Variants in C16orf89 observed in about 807,000 individuals in gnomAD.
The protein encoded by C16orf89 is UPF0764 protein C16orf89.
C16orf89 carries 57 observed loss-of-function variants against 41.5 expected under a neutral mutation model. The ratio of observed to expected loss-of-function variants is 1.38; its 90% CI spans 1.11 to 1.71. The LOEUF (loss-of-function observed/expected upper bound fraction) is 1.71. Ranked by LOEUF, C16orf89 falls within the 40% of genes most tolerant of loss-of-function variation. The probability of loss-of-function intolerance (pLI) is 0.00; values close to 1 mark genes in which losing one functional copy is unlikely to be tolerated. For synonymous variants in C16orf89, 223 were observed against 190.6 expected, an observed-to-expected ratio of 1.17 and a Z score of -1.40; for missense variants, 575 against 445.9, an observed-to-expected ratio of 1.29 and a Z score of -2.61.
In C16orf89 at chr16:5,058,584, A is replaced by T; in HGVS notation, c.536T>A (p.Leu179His). Reference sequence around the variant, plus strand: ...CATGAGGCTCCTGCAGAGGTCTGAGAGGCCGCAGGGCTCGCTGCTGTCCGT... The same window carrying T: ...CATGAGGCTCCTGCAGAGGTCTGAGTGGCCGCAGGGCTCGCTGCTGTCCGT... Reference protein sequence around the residue: ...TGTDSSEPCGLSDLCRSLMTK... With the variant: ...TGTDSSEPCGHSDLCRSLMTK... The change falls in exon 4 of 8, where the codon CTC (leucine) becomes CAC (histidine). Residue 179 changes from leucine (L) to histidine (H), a missense_variant. Coordinates refer to ENST00000472572, the MANE Select transcript of C16orf89 (RefSeq NM_001098514.3). The T allele has an allele frequency of 6.2e-7, 1 of 1,612,424 alleles. No individual in the cohort carries two copies. Among genetic ancestry groups the T allele is most frequent in the Non-Finnish European group, 8.5e-7 (1 of 1,179,802 alleles).
At chr16:5,054,033 C>T (rs1459069763) in intron 6 of C16orf89, among the ~76,000 whole-genome samples, 1 of 152,194 alleles carries the variant, frequency 6.6e-6, no homozygotes, top group Admixed American at 6.5e-5. Flanking sequence ...AGTTCCACAG[C>T]CCCATCCCCA....
intron 1 of C16orf89, among the ~76,000 whole-genome samples, chr16:5,062,785 A>G (rs561040452): frequency 1.3e-5 from 2 of 152,286 alleles, no homozygotes; most frequent in Admixed American, 1.3e-4. Flanking sequence ...TCAGAGTAGT[A>G]GAAGGTGGTG....
chr16:5,052,167 C>T (rs140739978), intron 6 of C16orf89, among the ~76,000 whole-genome samples: 21 of 151,028 alleles, frequency 1.4e-4, no homozygotes, highest in African/African-American at 4.9e-4. Context: ...ATAGACATCT[C>T]TCAAAAGAAG....
intron 2 of C16orf89, among the ~76,000 whole-genome samples, chr16:5,061,889 G>T (rs1956634304): frequency 6.6e-6 from 1 of 152,126 alleles, no homozygotes; most frequent in Non-Finnish European, 1.5e-5. Flanking sequence ...AAACTTATTA[G>T]ATGGGACCTT....
chr16:5,060,534 T>TG, intron 2 of C16orf89, 98 bp from the exon 3 acceptor site: 1 of 1,290,358 alleles, frequency 7.7e-7, no homozygotes, highest in Non-Finnish European at 1.1e-6. Context: ...CCCTGCCCAC[T>TG]GGCAGGTGCA....
chr16:5,043,979 G>C, downstream of C16orf89: 1 of 318,778 alleles, frequency 3.1e-6, no homozygotes, highest in Non-Finnish European at 4.5e-6. Context: ...AGGTGACAGA[G>C]CAGGACCTCA....
chr16:5,044,090 C>G (rs989644315), downstream of C16orf89: 10 of 1,155,450 alleles, frequency 8.7e-6, no homozygotes, highest in African/African-American at 1.3e-4. Context: ...CAAGGTTGTC[C>G]TCAAAGCTGA....
chr16:5,062,307 G>C, intron 2 of C16orf89, 118 bp downstream of exon 2: 1 of 1,278,348 alleles, frequency 7.8e-7, no homozygotes. Context: ...ACAGGTCCAA[G>C]TTGGTTACGG....
At chr16:5,055,223 G>T in intron 6 of C16orf89, 23 bp downstream of exon 6, 2 of 1,550,174 alleles carry the variant, frequency 1.3e-6, no homozygotes, top group Middle Eastern at 1.7e-4. Flanking sequence ...CCCCTTCTTA[G>T]CCAGGGCAGC....
intron 1 of C16orf89, among the ~76,000 whole-genome samples, chr16:5,064,065 C>T (rs1274150380): frequency 6.6e-6 from 1 of 152,060 alleles, no homozygotes; most frequent in Non-Finnish European, 1.5e-5. Flanking sequence ...GTGGAGGTTG[C>T]AGTGAGCTGA....
At chr16:5,052,795 G>A (rs1170700918) in intron 6 of C16orf89, among the ~76,000 whole-genome samples, 2 of 152,134 alleles carry the variant, frequency 1.3e-5, no homozygotes, top group African/African-American at 4.8e-5. Flanking sequence ...CCAAAGGAAA[G>A]GAAATTGGTA....
chr16:5,065,914 G>T lies in C16orf89; in HGVS notation c.-6C>A. On this transcript the variant is annotated 5_prime_UTR_variant, in exon 1 of 8. Coordinates refer to ENST00000472572, the MANE Select transcript of C16orf89 (RefSeq NM_001098514.3). ...AGCAGCCCCAGGCTGGCCATGGCCG[G>T]CCTCTGCTCACTGCTGGTCACACGC... 2 of 1,611,972 alleles carry T rather than the reference G, an allele frequency of 1.2e-6. No individual in the cohort carries two copies. The highest frequency in any genetic ancestry group is 1.3e-5 in the African/African-American group (1 of 75,042).
At chr16:5,060,944 C>CAT (rs1320256230) in intron 2 of C16orf89, among the ~76,000 whole-genome samples, 4 of 91,576 alleles carry the variant, frequency 4.4e-5, no homozygotes, top group Non-Finnish European at 9.1e-5. Flanking sequence ...CTATGATCAG[C>CAT]CTTTTTTTTT....
At chr16:5,049,219 T>G (rs1202134439) in intron 6 of C16orf89, among the ~76,000 whole-genome samples, 1 of 152,180 alleles carries the variant, frequency 6.6e-6, no homozygotes, top group Non-Finnish European at 1.5e-5. Flanking sequence ...TGTTATTAGA[T>G]ATAAAGGGAG....
intron 5 of C16orf89, 187 bp downstream of exon 5, chr16:5,055,866 G>T (rs1359334016): frequency 1.6e-6 from 2 of 1,259,828 alleles, no homozygotes; most frequent in East Asian, 2.6e-5. Context: ...TACTAAAAAT[G>T]GATTCATTGC....
At chr16:5,053,362 T>C (rs1956432377) in intron 6 of C16orf89, among the ~76,000 whole-genome samples, 1 of 150,986 alleles carries the variant, frequency 6.6e-6, no homozygotes, top group Non-Finnish European at 1.5e-5. Flanking sequence ...AGAGCGAGAC[T>C]CCATCTCTAA....
rs183666887 is a variant in C16orf89 at position 5,058,891 on chromosome 16, C to T, written c.510-281G>A. Among the ~76,000 whole-genome samples the T allele has an allele frequency of 9.9e-5, 15 of 152,180 alleles. No homozygotes were observed. The South Asian group carries it at 2.3e-3, about 23-fold the overall frequency. On this transcript the variant is annotated intron_variant, in intron 3 of 7. Coordinates refer to ENST00000472572, the MANE Select transcript of C16orf89 (RefSeq NM_001098514.3). ...GGCCAAATCACATCTTTTCCAGCCC[C>T]GAACAGTGGGTACTTGAACCCAGAC...
downstream of C16orf89, chr16:5,043,671 A>T (rs1956241483): frequency 6.6e-6 from 1 of 152,214 alleles, no homozygotes; most frequent in African/African-American, 2.4e-5. Context: ...ACTGGGAAAG[A>T]TACTATATTT....
intron 7 of C16orf89, among the ~76,000 whole-genome samples, chr16:5,045,435 G>C (rs1322530732): frequency 1.4e-4 from 21 of 152,152 alleles, no homozygotes; most frequent in Non-Finnish European, 1.3e-4. Context: ...AGCTCAAAGT[G>C]GGCTGCACGC....
Sources: gnomAD v4.1 joint callset for allele counts (sites outside exome capture counted in the v4.1 genomes callset) on GRCh38, gnomAD v4.1.1 for gene constraint, MANE v1.5 for transcripts, NCBI Gene and HGNC (gene_info 2026-07-23, HGNC 2026-07-21) for gene names.